Variants in JADE3 observed in about 807,000 individuals in gnomAD.
JADE3 encodes jade family PHD finger 3, also known as protein Jade-3.
JADE3 carries 2 observed loss-of-function variants against 50.1 expected under a neutral mutation model. The ratio of observed to expected loss-of-function variants is 0.04; its 90% CI spans 0.02 to 0.13. The LOEUF (loss-of-function observed/expected upper bound fraction) is 0.13. Ranked by LOEUF, JADE3 falls within the 10% of genes least tolerant of loss-of-function variation. The pLI is 1.00. For synonymous variants in JADE3, 218 were observed against 232.9 expected (o/e 0.94, Z 0.58); for missense variants, 475 against 634.4 (o/e 0.75, Z 2.70).
In JADE3 at chrX:46,984,107, A is replaced by G. The variant is rs1219395224; in HGVS notation, c.-11-777A>G. On this transcript the variant is annotated intron_variant, in intron 1 of 10. Coordinates refer to ENST00000614628, the MANE Select transcript of JADE3 (RefSeq NM_014735.5). Reference sequence around the variant, plus strand: ...TATATTGCTGTCTTTTCAAGTTTACATTTTCAGCACTTCGTTTGTGACTTA... The same window carrying G: ...TATATTGCTGTCTTTTCAAGTTTACGTTTTCAGCACTTCGTTTGTGACTTA... Among the ~76,000 whole-genome samples, 3 of 111,970 alleles carry G rather than the reference A, an allele frequency of 2.7e-5. No homozygotes were observed. The Admixed American group carries it at 2.8e-4, about 11-fold the overall frequency.
intron 4 of JADE3, among the ~76,000 whole-genome samples, chrX:47,001,673 T>C (rs1239584934): frequency 8.9e-6 from 1 of 112,302 alleles, no homozygotes; most frequent in African/African-American, 3.2e-5. Flanking sequence ...ACCTTAAAAA[T>C]TAAATCTTTG....
intron 8 of JADE3, among the ~76,000 whole-genome samples, chrX:47,050,869 C>A (rs1217100594): frequency 1.8e-5 from 2 of 112,161 alleles, no homozygotes; most frequent in African/African-American, 6.5e-5. Context: ...CACTTTAAAT[C>A]TTTTACTAAA....
chrX:46,959,993 C>G (rs1282339058), intron 1 of JADE3, among the ~76,000 whole-genome samples: 1 of 111,441 alleles, frequency 9.0e-6, no homozygotes. Flanking sequence ...GCTCACTTAC[C>G]TGGTTAGCAT....
rs1928531060 is a variant in JADE3, at chrX:47,010,396, T to C, written c.284+12119T>C. Among the ~76,000 whole-genome samples the C allele has an allele frequency of 2.7e-5, 3 of 110,650 alleles. No homozygotes were observed. The South Asian group carries it at 1.2e-3, about 43-fold the overall frequency. Reference sequence around the variant, plus strand: ...GGCATGTGCCACCACAACTGGCTAATTTTGTAGTTTTAGTAGAGACAGGGT... The same window carrying C: ...GGCATGTGCCACCACAACTGGCTAACTTTGTAGTTTTAGTAGAGACAGGGT... On this transcript the variant is annotated intron_variant, in intron 4 of 10. Coordinates refer to ENST00000614628, the MANE Select transcript of JADE3 (RefSeq NM_014735.5).
intron 1 of JADE3, among the ~76,000 whole-genome samples, chrX:46,963,122 C>T (rs1556348211): frequency 8.9e-6 from 1 of 112,005 alleles, no homozygotes; most frequent in Non-Finnish European, 1.9e-5. Context: ...TAGGGGTGCT[C>T]TGATGTGTTA....
intron 1 of JADE3, among the ~76,000 whole-genome samples, chrX:46,959,989 T>C (rs1445077668): frequency 2.7e-5 from 3 of 111,602 alleles, no homozygotes; most frequent in African/African-American, 9.8e-5. Context: ...CCAAGCTCAC[T>C]TACCTGGTTA....
chrX:47,052,633 C>CAAAA (rs1195947563), intron 8 of JADE3, among the ~76,000 whole-genome samples: 3 of 18,916 alleles, frequency 1.6e-4, no homozygotes, highest in Non-Finnish European at 2.4e-4. Flanking sequence ...GACTCTGTCT[C>CAAAA]AAAAAAAAAA....
Position 47,033,608 on chromosome X carries a change from C to T in JADE3, c.688-13C>T. 1 of 1,198,825 alleles carries T rather than the reference C, an allele frequency of 8.3e-7. No homozygotes were observed. The highest frequency in any genetic ancestry group is 1.8e-5 in the South Asian group (1 of 54,274). ...GTGCTGACCATTCTCCCCTCTCCTC[C>T]TCATACCTCCAGGCCTGCTATGGCA... is the stretch of plus-strand genomic sequence containing the variant. On this transcript the variant is annotated splice_polypyrimidine_tract_variant and intron_variant, in intron 6 of 10. Coordinates refer to ENST00000614628, the MANE Select transcript of JADE3 (RefSeq NM_014735.5).
At chrX:46,997,224 C>T (rs1928150595) in intron 3 of JADE3, among the ~76,000 whole-genome samples, 1 of 111,621 alleles carries the variant, frequency 9.0e-6, no homozygotes, top group African/African-American at 3.3e-5. Context: ...ACTCTGAGGC[C>T]AGGCACCGTG....
intron 8 of JADE3, among the ~76,000 whole-genome samples, chrX:47,045,469 C>G (rs1929351308): frequency 8.9e-6 from 1 of 112,207 alleles, no homozygotes; most frequent in Non-Finnish European, 1.9e-5. Flanking sequence ...ACTTTAATAC[C>G]TTGCTTTCAG....
intron 8 of JADE3, among the ~76,000 whole-genome samples, chrX:47,044,649 T>C (rs1929335167): frequency 8.9e-6 from 1 of 111,758 alleles, no homozygotes; most frequent in African/African-American, 3.2e-5. Flanking sequence ...ATATTGTAAT[T>C]GTGGTATGAA....
At chrX:47,038,676 GAAAGA>G (rs1929188935) in intron 7 of JADE3, among the ~76,000 whole-genome samples, 1 of 97,506 alleles carries the variant, frequency 1.0e-5, no homozygotes, top group African/African-American at 3.9e-5. Flanking sequence ...AAAAAAAGAA[GAAAGA>G]AAGAAAGAAA....
At chrX:47,020,057 G>A (rs782635811) in intron 4 of JADE3, among the ~76,000 whole-genome samples, 15 of 112,093 alleles carry the variant, frequency 1.3e-4, no homozygotes, top group Admixed American at 6.6e-4. Flanking sequence ...CAGGCCGGGC[G>A]CGGTGGCTCA....
chrX:46,979,576 G>A (rs1556352423), intron 1 of JADE3, among the ~76,000 whole-genome samples: 2 of 111,867 alleles, frequency 1.8e-5, no homozygotes, highest in Admixed American at 1.9e-4. Flanking sequence ...TAAATGCCCA[G>A]GAGTGCAATT....
rs373923893 is a variant in JADE3 at position 46,980,194 on chromosome X, T to A, written c.-11-4690T>A. ...CATGCCCGGCCCATCTCTTGATTTT[T>A]AATTAGGTCATTTGTTTCCTTACTG... On this transcript the variant is annotated intron_variant, in intron 1 of 10. Coordinates refer to ENST00000614628, the MANE Select transcript of JADE3 (RefSeq NM_014735.5). Among the ~76,000 whole-genome samples, 601 of 111,508 alleles carry A rather than the reference T, an allele frequency of 5.4e-3. 2 individuals carry two copies. The highest frequency in any genetic ancestry group is 0.025 in the South Asian group (65 of 2,640).
chrX:47,025,021 G>T (rs1435344974), intron 5 of JADE3, 107 bp downstream of exon 5: 2 of 407,368 alleles, frequency 4.9e-6, no homozygotes, highest in East Asian at 4.1e-5. Flanking sequence ...TTCTTTTCTG[G>T]CCTTTTCATT....
chrX:46,987,281 C>A (rs189940981), intron 3 of JADE3, among the ~76,000 whole-genome samples: 2 of 112,507 alleles, frequency 1.8e-5, no homozygotes, highest in African/African-American at 6.5e-5. Flanking sequence ...ACTTATTCAG[C>A]GCCAGCAAGG....
At chrX:46,975,228 G>A (rs930909899) in intron 1 of JADE3, among the ~76,000 whole-genome samples, 3 of 112,225 alleles carry the variant, frequency 2.7e-5, no homozygotes, top group African/African-American at 9.7e-5. Context: ...TGACAGTGAT[G>A]GCCACTTTTA....
intron 8 of JADE3, among the ~76,000 whole-genome samples, chrX:47,046,730 CA>C (rs1289793059): frequency 3.6e-5 from 4 of 112,100 alleles, no homozygotes; most frequent in Non-Finnish European, 5.6e-5. Context: ...TGAATTTTAT[CA>C]AATGCTTTTT....
Sources: allele counts gnomAD v4.1 joint callset (sites outside exome capture counted in the v4.1 genomes callset), GRCh38; gene constraint gnomAD v4.1.1; transcripts MANE v1.5; gene names NCBI Gene and HGNC (gene_info 2026-07-23, HGNC 2026-07-21).